Variants in RHBDD1 observed in about 807,000 individuals in gnomAD.
RHBDD1 encodes rhomboid-related protein 4.
Under a neutral mutation model 36.3 loss-of-function variants are expected in RHBDD1, and 38 were observed. The ratio of observed to expected loss-of-function variants is 1.05; its 90% CI spans 0.81 to 1.37. The LOEUF (loss-of-function observed/expected upper bound fraction) is 1.37, where lower values mean the gene tolerates loss of function less well. Among genes scored for constraint, RHBDD1 ranks in the 40% most tolerant of loss-of-function variants. The pLI is 0.00. For synonymous variants in RHBDD1, 151 were observed against 136.5 expected (o/e 1.11, Z -0.74); for missense variants, 393 against 377.6 (o/e 1.04, Z -0.34).
intron 8 of RHBDD1, among the ~76,000 whole-genome samples, chr2:226,936,317 A>C (rs1950328461): frequency 6.6e-6 from 1 of 152,146 alleles, no homozygotes; most frequent in South Asian, 2.1e-4. Context: ...AATTGTACTT[A>C]TATCTTAGAT....
intron 8 of RHBDD1, among the ~76,000 whole-genome samples, chr2:226,961,987 G>C (rs1284524621): frequency 6.6e-6 from 1 of 152,084 alleles, no homozygotes; most frequent in African/African-American, 2.4e-5. Flanking sequence ...AATGCCTCCG[G>C]TGTCTTTCCC....
At chr2:226,822,085 G>T in the RHBDD1 span, among the ~76,000 whole-genome samples, 1 of 151,974 alleles carries the variant, frequency 6.6e-6, no homozygotes, top group Admixed American at 6.6e-5. Context: ...CTTGCTCATT[G>T]TAAGTCAAAG....
intron 2 of RHBDD1, among the ~76,000 whole-genome samples, chr2:226,839,030 C>T (rs1941322042): frequency 6.6e-6 from 1 of 152,062 alleles, no homozygotes; most frequent in Non-Finnish European, 1.5e-5. Flanking sequence ...TGCTGTTAGC[C>T]CTGAAATTGC....
chr2:226,946,106 C>T (rs977618723), intron 8 of RHBDD1, among the ~76,000 whole-genome samples: 2 of 151,768 alleles, frequency 1.3e-5, no homozygotes, highest in Non-Finnish European at 2.9e-5. Context: ...GTTGCCTGTT[C>T]ACTCTGATGA....
chr2:226,927,607 T>C (rs1222251663), intron 8 of RHBDD1, among the ~76,000 whole-genome samples: 1 of 152,088 alleles, frequency 6.6e-6, no homozygotes, highest in Non-Finnish European at 1.5e-5. Context: ...TATATGAGAG[T>C]TCCAGTTGCT....
chr2:226,886,423 T>C (rs1454796279), intron 5 of RHBDD1, among the ~76,000 whole-genome samples: 1 of 152,120 alleles, frequency 6.6e-6, no homozygotes, highest in African/African-American at 2.4e-5. Context: ...AGCACAGAGC[T>C]AGAAGGCAAA....
chr2:226,854,368 G>A (rs1335537758), intron 3 of RHBDD1, among the ~76,000 whole-genome samples: 5 of 152,124 alleles, frequency 3.3e-5, no homozygotes, highest in East Asian at 1.9e-4. Flanking sequence ...TGAGGCAGGC[G>A]GATCACCCAA....
upstream of RHBDD1, among the ~76,000 whole-genome samples, chr2:226,834,529 AT>A (rs773716094): frequency 2.6e-5 from 4 of 152,206 alleles, no homozygotes; most frequent in Admixed American, 1.3e-4. Context: ...ACCCACACCT[AT>A]GCATGAGCCA....
chr2:226,984,660 C>T (rs1956531915), intron 8 of RHBDD1, among the ~76,000 whole-genome samples: 2 of 152,152 alleles, frequency 1.3e-5, no homozygotes, highest in Non-Finnish European at 2.9e-5. Context: ...GGGTCGTAGG[C>T]TAAGGAATTA....
upstream of RHBDD1, among the ~76,000 whole-genome samples, chr2:226,831,496 G>C (rs1294394940): frequency 6.6e-6 from 1 of 152,186 alleles, no homozygotes; most frequent in Non-Finnish European, 1.5e-5. Context: ...TGGAGATGCA[G>C]GCAGAGACTG....
At chr2:226,931,647 T>TA (rs1207464268) in intron 8 of RHBDD1, among the ~76,000 whole-genome samples, 4 of 151,920 alleles carry the variant, frequency 2.6e-5, no homozygotes, top group Admixed American at 6.6e-5. Flanking sequence ...GCTACTGAAA[T>TA]AAAAAAAATT....
At chr2:226,943,772 C>T (rs544889022) in intron 8 of RHBDD1, among the ~76,000 whole-genome samples, 17 of 152,264 alleles carry the variant, frequency 1.1e-4, no homozygotes, top group Non-Finnish European at 2.1e-4. Flanking sequence ...TAACGCAGGC[C>T]TAGTAAGGCC....
intron 8 of RHBDD1, among the ~76,000 whole-genome samples, chr2:226,972,177 T>C (rs1350533421): frequency 2.0e-5 from 3 of 152,112 alleles, no homozygotes; most frequent in Admixed American, 2.0e-4. Flanking sequence ...GAACATGCGG[T>C]GTTTGGTTTT....
At chr2:226,925,803 T>C (rs1949628419) in intron 8 of RHBDD1, among the ~76,000 whole-genome samples, 3 of 152,196 alleles carry the variant, frequency 2.0e-5, no homozygotes, top group African/African-American at 4.8e-5. Flanking sequence ...TTGGGAAATA[T>C]GTAATTAATT....
chr2:226,943,451 A>G (rs1363278048), intron 8 of RHBDD1, among the ~76,000 whole-genome samples: 1 of 152,220 alleles, frequency 6.6e-6, no homozygotes, highest in East Asian at 1.9e-4. Flanking sequence ...TCCAAAGCCC[A>G]GTAGTTTTTG....
intron 8 of RHBDD1, among the ~76,000 whole-genome samples, chr2:226,953,428 C>G (rs1432533624): frequency 6.6e-6 from 1 of 152,182 alleles, no homozygotes; most frequent in African/African-American, 2.4e-5. Flanking sequence ...TATAGTTATT[C>G]TAAGGCCTTA....
chr2:226,853,461 A>G (rs1421095486), intron 3 of RHBDD1, among the ~76,000 whole-genome samples: 1 of 152,230 alleles, frequency 6.6e-6, no homozygotes, highest in African/African-American at 2.4e-5. Context: ...GGGGCGGCTC[A>G]CAGGCATAGG....
At chr2:226,982,253 G>A (rs1412688566) in intron 8 of RHBDD1, among the ~76,000 whole-genome samples, 2 of 152,232 alleles carry the variant, frequency 1.3e-5, no homozygotes, top group Non-Finnish European at 2.9e-5. Context: ...AGAGCAGTTT[G>A]TCTTCCTCTA....
chr2:226,891,773 G>T (rs1256208729), intron 5 of RHBDD1, among the ~76,000 whole-genome samples: 1 of 152,226 alleles, frequency 6.6e-6, no homozygotes, highest in Non-Finnish European at 1.5e-5. Context: ...CTTATCGGAA[G>T]GATATCAGAT....
Sources: gnomAD v4.1 joint callset for allele counts (sites outside exome capture counted in the v4.1 genomes callset) on GRCh38, gnomAD v4.1.1 for gene constraint, MANE v1.5 for transcripts, NCBI Gene and HGNC (gene_info 2026-07-23, HGNC 2026-07-21) for gene names.